Variants in LAMA1 observed in about 807,000 individuals in gnomAD.
The protein encoded by LAMA1 is laminin subunit alpha 1, also known as laminin subunit alpha-1.
In LAMA1, 219 loss-of-function variants were observed where a neutral mutation model predicts 348.7. The ratio of observed to expected loss-of-function variants is 0.63; its 90% CI spans 0.56 to 0.70. LAMA1 has a LOEUF of 0.70. Among genes scored for constraint, LAMA1 ranks in the 30% least tolerant of loss-of-function variants. The pLI is 0.00. For missense variants in LAMA1, 3,744 were observed against 3,888.0 expected (o/e 0.96, Z 0.99); for synonymous variants, 1,487 against 1,491.0 (o/e 1.00, Z 0.06).
At chr18:6,978,451 T>C (rs4798522) in intron 42 of LAMA1, 73 bp from the exon 43 acceptor site, 15,093 of 1,328,250 alleles carry the variant, frequency 0.011, 120 homozygotes, top group Middle Eastern at 0.028. Context: ...CGACAACAAA[T>C]GTAATTTCGC....
intron 1 of LAMA1, among the ~76,000 whole-genome samples, chr18:7,085,554 G>A (rs1319824168): frequency 6.6e-6 from 1 of 151,458 alleles, no homozygotes; most frequent in Non-Finnish European, 1.5e-5. Flanking sequence ...GAGTAGCTGG[G>A]ACTATAGGCA....
At chr18:7,047,887 CAAAATGAATTATAGATGTAAAAGCT>C (rs1239845719) in intron 5 of LAMA1, among the ~76,000 whole-genome samples, 1 of 151,896 alleles carries the variant, frequency 6.6e-6, no homozygotes, top group Non-Finnish European at 1.5e-5. Flanking sequence ...AAAATTAATA[CAAAATGAATTATAGATGTAAAAGCT>C]AAAACTATAC....
At position 7,017,305 on chromosome 18, in the gene LAMA1, C is replaced by G. The variant is rs780220076; in HGVS notation, c.2781G>C (p.Val927=). 6.2e-7 allele frequency: 1 copy of G among 1,613,882 alleles called. No homozygotes were observed. ...AGCACTGGTCACACTGCTGTCCAGT[C>G]ACGTTTGGTTTGCAGTCACAGAGCC... ...ETGLCDCKPN[V]TGQQCDQCLH... The change falls in exon 20 of 63, where the codon GTG becomes GTC. Residue 927 remains valine, a synonymous_variant. Coordinates refer to ENST00000389658, the MANE Select transcript of LAMA1 (RefSeq NM_005559.4).
intron 26 of LAMA1, 116 bp from the exon 27 acceptor site, chr18:7,009,482 A>G: frequency 8.7e-7 from 1 of 1,146,326 alleles, no homozygotes; most frequent in Non-Finnish European, 1.3e-6. Context: ...TGTTCTGTGC[A>G]TGCCACTGAG....
chr18:6,985,596 G>A lies in LAMA1; in HGVS notation c.5427C>T (p.Leu1809=), dbSNP rs2057731210. The A allele has an allele frequency of 6.2e-7, 1 of 1,614,084 alleles. No homozygotes were observed. The highest frequency in any genetic ancestry group is 2.2e-5 in the East Asian group (1 of 44,874). ...CTATCAATCCTCTTCCTTGGACAAT[G>A]AGCTCTGAGGTCAGATTTTGTTCTT... ...VQEEQNLTSE[L]IVQGRGLIDA... Residue 1809 remains leucine, a synonymous_variant, in exon 38 of 63, where the codon CTC becomes CTT. Transcript: ENST00000389658.
chr18:6,986,408 A>G, intron 36 of LAMA1, 61 bp from the exon 37 acceptor site: 1 of 1,519,124 alleles, frequency 6.6e-7, no homozygotes, highest in South Asian at 1.1e-5. Flanking sequence ...TATCTCTGAA[A>G]TAATAGTGGA....
chr18:6,978,721 TA>T (rs1192271975), intron 42 of LAMA1, among the ~76,000 whole-genome samples: 2 of 152,228 alleles, frequency 1.3e-5, no homozygotes, highest in Non-Finnish European at 2.9e-5. Context: ...AGCTGTGTCT[TA>T]CATCTTAATA....
intron 23 of LAMA1, among the ~76,000 whole-genome samples, chr18:7,012,629 C>T (rs1019978622): frequency 6.6e-6 from 1 of 150,678 alleles, no homozygotes; most frequent in Non-Finnish European, 1.5e-5. Context: ...CCTCAGCCTC[C>T]CGAGTAGCTG....
In LAMA1 at chr18:7,018,684, C is replaced by T. The variant is rs1386947492; in HGVS notation, c.2702-1300G>A. ...TGCTGGGATTACAGGCGTGAGCCAC[C>T]GCGCCGGGCCCCCAGGCACTCTTTA... On this transcript the variant is annotated intron_variant, in intron 19 of 62. Coordinates refer to ENST00000389658, the MANE Select transcript of LAMA1 (RefSeq NM_005559.4). Among the ~76,000 whole-genome samples, 8 of 152,090 alleles carry T rather than the reference C, an allele frequency of 5.3e-5. No individual in the cohort carries two copies. The South Asian group carries it at 6.2e-4, about 12-fold the overall frequency.
In LAMA1 at chr18:6,995,384, T is replaced by C. The variant is rs1456965854; in HGVS notation, c.4869A>G (p.Ala1623=). 6.2e-7 allele frequency: 1 copy of C among 1,613,640 alleles called. No homozygotes were observed. Among genetic ancestry groups the C allele is most frequent in the Admixed American group, 1.7e-5 (1 of 60,026 alleles). The change falls in exon 34 of 63, where the codon GCA becomes GCG. Residue 1623 remains alanine (A), a synonymous_variant. Transcript: ENST00000389658. ...DLGKIKLEGV[A]EETDNLQKKL... is the part of the protein sequence containing the mutation. ...TCTTTTGCAGGTTGTCCGTTTCTTC[T>C]GCAACACCTTCAAGCTTAATTTTTC...
chr18:7,040,831 G>A (rs1279504926), intron 9 of LAMA1, among the ~76,000 whole-genome samples: 1 of 152,142 alleles, frequency 6.6e-6, no homozygotes, highest in Non-Finnish European at 1.5e-5. Context: ...TTGAAATACT[G>A]ATACATGGTA....
At chr18:7,054,853 A>G (rs1220243461) in intron 3 of LAMA1, among the ~76,000 whole-genome samples, 1 of 152,160 alleles carries the variant, frequency 6.6e-6, no homozygotes, top group Non-Finnish European at 1.5e-5. Context: ...TCTTCCTTAC[A>G]ATTTTAATAA....
At chr18:7,016,015 G>A (rs1262110918) in intron 21 of LAMA1, among the ~76,000 whole-genome samples, 157 bp from the exon 22 acceptor site, 1 of 152,168 alleles carries the variant, frequency 6.6e-6, no homozygotes, top group African/African-American at 2.4e-5. Context: ...GTCTCATGGA[G>A]GTAGCCGGCC....
At position 6,966,193 on chromosome 18, in the gene LAMA1, G is replaced by A. The variant is rs373670761; in HGVS notation, c.7004C>T (p.Thr2335Ile). The change falls in exon 49 of 63, where the codon ACC becomes ATC. Residue 2335 changes from threonine (T) to isoleucine (I), a missense_variant. Transcript: ENST00000389658. ...TVTQIIMLFN[T>I]FSPNGLLLYL... ...GAGAAGAAGTCCATTAGGTGAAAAG[G>A]TATTAAAAAGCATGATTATCTGGGT... The A allele has an allele frequency of 2.5e-6, 4 of 1,614,112 alleles. No individual in the cohort carries two copies. Among genetic ancestry groups the A allele is most frequent in the South Asian group, 1.1e-5 (1 of 91,060 alleles).
chr18:6,986,262 G>A lies in LAMA1; in HGVS notation c.5254C>T (p.His1752Tyr). The A allele has an allele frequency of 6.2e-7, 1 of 1,614,126 alleles. No homozygotes were observed. Among genetic ancestry groups the A allele is most frequent in the East Asian group, 2.2e-5 (1 of 44,870 alleles). Reference protein sequence around the residue: ...ELEVLKEAASHVLSKHNNELK... With the variant: ...ELEVLKEAASYVLSKHNNELK... ...TCATTGTTGTGCTTTGAAAGGACGT[G>A]GCTTGCTGCTTCTTTCAATACCTCC... Residue 1752 changes from histidine (H) to tyrosine (Y), a missense_variant, in exon 37 of 63, where the codon CAC becomes TAC. Coordinates refer to ENST00000389658, the MANE Select transcript of LAMA1 (RefSeq NM_005559.4).
rs566623142 is a variant in LAMA1 at position 7,101,559 on chromosome 18, T to A, written c.61+16101A>T. Among the ~76,000 whole-genome samples the A allele has an allele frequency of 8.3e-4, 127 of 152,350 alleles. 3 individuals are homozygous for A. The South Asian group carries it at 0.017, about 20-fold the overall frequency. ...GAAGTGCGTGTTGGATCCAAGTTAT[T>A]CTCTTGTGATTATCTATGTGGTCAG... is the stretch of plus-strand genomic sequence containing the variant. On this transcript the variant is annotated intron_variant, in intron 1 of 62. Coordinates refer to ENST00000389658, the MANE Select transcript of LAMA1 (RefSeq NM_005559.4).
At position 6,948,382 on chromosome 18, in the gene LAMA1, G is replaced by C. The variant is rs375597934; in HGVS notation, c.8710+21C>G. 9.3e-6 allele frequency: 15 copies of C among 1,613,938 alleles called. No individual in the cohort carries two copies. The Admixed American group carries it at 1.2e-4, about 13-fold the overall frequency. The stretch of plus-strand genomic sequence containing the variant: ...ACAGACTCATTCGGGGACTGCCTTC[G>C]AGAGTGTTGCTAACACATACCAAGA... On this transcript the variant is annotated intron_variant, in intron 60 of 62. Transcript: ENST00000389658.
chr18:7,093,395 G>A (rs975387868), intron 1 of LAMA1, among the ~76,000 whole-genome samples: 5 of 151,960 alleles, frequency 3.3e-5, no homozygotes, highest in African/African-American at 9.7e-5. Context: ...CAGCCTGGGC[G>A]ACAGAGCCAG....
chr18:6,987,486 G>T (rs778610862), intron 36 of LAMA1, among the ~76,000 whole-genome samples: 5 of 152,114 alleles, frequency 3.3e-5, no homozygotes, highest in Non-Finnish European at 7.4e-5. Context: ...AATACCAAAA[G>T]ATTTTTTTCC....
Sources: allele counts gnomAD v4.1 joint callset (sites outside exome capture counted in the v4.1 genomes callset), GRCh38; gene constraint gnomAD v4.1.1; transcripts MANE v1.5; gene names NCBI Gene and HGNC (gene_info 2026-07-23, HGNC 2026-07-21).